Variants in STAU1 observed in about 807,000 individuals in gnomAD.
STAU1 encodes staufen double-stranded RNA binding protein 1.
In STAU1, 13 loss-of-function variants were observed where a neutral mutation model predicts 62.9. The observed-to-expected ratio is 0.21, with a 90% CI of 0.13 to 0.33. The LOEUF (loss-of-function observed/expected upper bound fraction) is 0.33. Among genes scored for constraint, STAU1 ranks in the 10% least tolerant of loss-of-function variants. The pLI is 1.00. For missense variants in STAU1, 571 were observed against 712.1 expected, an observed-to-expected ratio of 0.80 and a Z score of 2.25; for synonymous variants, 269 against 265.1, an observed-to-expected ratio of 1.01 and a Z score of -0.14.
chr20:49,171,638 A>G (rs2093598464), intron 2 of STAU1, among the ~76,000 whole-genome samples: 1 of 152,128 alleles, frequency 6.6e-6, no homozygotes, highest in Admixed American at 6.6e-5. Flanking sequence ...TTGCTGCAAT[A>G]TGGTTGAATG....
intron 9 of STAU1, among the ~76,000 whole-genome samples, chr20:49,119,379 T>G (rs764873630): frequency 2.0e-5 from 3 of 152,150 alleles, no homozygotes; most frequent in Non-Finnish European, 4.4e-5. Flanking sequence ...GGTTTCATCA[T>G]GTTGCTCAGA....
chr20:49,159,006 G>T, intron 3 of STAU1: 5 of 1,292,684 alleles, frequency 3.9e-6, no homozygotes, highest in Non-Finnish European at 5.1e-6. Context: ...AGTCCATCAG[G>T]CTACTCATTT....
At chr20:49,161,011 T>C (rs2093439813) in intron 3 of STAU1, among the ~76,000 whole-genome samples, 1 of 151,950 alleles carries the variant, frequency 6.6e-6, no homozygotes, top group African/African-American at 2.4e-5. Flanking sequence ...AACCATACAC[T>C]ATTTGGAGTT....
the STAU1 span, among the ~76,000 whole-genome samples, chr20:49,209,386 C>T: frequency 5.3e-5 from 8 of 150,638 alleles, no homozygotes; most frequent in Non-Finnish European, 1.2e-4. Flanking sequence ...ATGAGTCCCA[C>T]CACCTGATCA....
At position 49,117,803 on chromosome 20, in the gene STAU1, A is replaced by G. The variant is rs2092363132; in HGVS notation, c.1483T>C (p.Tyr495His). 6.2e-7 allele frequency: 1 copy of G among 1,613,164 alleles called. No homozygotes were observed. The highest frequency in any genetic ancestry group is 2.2e-5 in the East Asian group (1 of 44,876). Residue 495 changes from tyrosine to histidine, a missense_variant, in exon 11 of 14, where the codon TAT becomes CAT. Physicochemically the swap from Tyr to His is moderately conservative, Grantham distance 83 (BLOSUM62 2). Transcript: ENST00000371856. This position sits in a 1 kb window ranked among gnomAD's most constrained non-coding sequence, Gnocchi z 4.6. ...PLTRPSEQLD[Y>H]LSRVQGFQVE... is the part of the protein sequence containing the mutation. ...TGGAATCCCTGGACTCTGGAAAGAT[A>G]GTCCAGTTGCTCAGAGGGTCTCGTG...
the STAU1 span, among the ~76,000 whole-genome samples, chr20:49,208,147 C>T: frequency 3.9e-5 from 6 of 152,166 alleles, no homozygotes; most frequent in African/African-American, 1.2e-4. Flanking sequence ...GCAACCTCAG[C>T]TTCCTGGGTT....
chr20:49,158,836 A>C (rs757622627), intron 3 of STAU1: 21 of 813,996 alleles, frequency 2.6e-5, no homozygotes, highest in Non-Finnish European at 3.4e-5. Flanking sequence ...GCGGTGGCTC[A>C]TGCCTGTAAT....
At chr20:49,135,102 G>A (rs1016758318) in intron 6 of STAU1, 230 of 915,696 alleles carry the variant, frequency 2.5e-4, no homozygotes, top group Non-Finnish European at 3.8e-4. Flanking sequence ...TATTCGTAAC[G>A]TTTTATATAG....
intron 3 of STAU1, among the ~76,000 whole-genome samples, chr20:49,155,471 A>C (rs1397646033): frequency 6.6e-6 from 1 of 152,206 alleles, no homozygotes. Context: ...GATTAGTGTC[A>C]GTGCACAATA....
At chr20:49,118,733 G>A (rs1014569821) in intron 9 of STAU1, among the ~76,000 whole-genome samples, 2 of 152,232 alleles carry the variant, frequency 1.3e-5, no homozygotes, top group African/African-American at 4.8e-5. Flanking sequence ...CTAGACGGTA[G>A]AGCCCACCAA....
chr20:49,134,511 C>G lies in STAU1; in HGVS notation c.609+1322G>C, dbSNP rs1184641627. The G allele has an allele frequency of 5.0e-6, 6 of 1,208,306 alleles. No homozygotes were observed. In the African/African-American group the frequency reaches 9.0e-5, roughly 18 times the overall value. The allele number at this position is 1,208,306 out of a possible 1,614,324, so 74.8% of individuals were successfully genotyped here. On this transcript the variant is annotated intron_variant, in intron 6 of 13. Transcript: ENST00000371856. Reference sequence around the variant, plus strand: ...GCTCATTACTCTTCTCTCATGGATCCTGACACCAAACTCATCGGAAACATA... The same window carrying G: ...GCTCATTACTCTTCTCTCATGGATCGTGACACCAAACTCATCGGAAACATA...
intron 1 of STAU1, among the ~76,000 whole-genome samples, chr20:49,179,492 T>C (rs1006107148): frequency 2.0e-5 from 3 of 152,214 alleles, no homozygotes; most frequent in East Asian, 1.9e-4. Context: ...TAAAGGGTCA[T>C]GGAGCTTTCA....
At chr20:49,208,705 T>C in the STAU1 span, among the ~76,000 whole-genome samples, 1 of 151,430 alleles carries the variant, frequency 6.6e-6, no homozygotes, top group African/African-American at 2.4e-5. Flanking sequence ...CTGCAAGCTC[T>C]GCCTCCTGGG....
intron 5 of STAU1, among the ~76,000 whole-genome samples, chr20:49,136,294 C>T (rs1212079168): frequency 2.6e-5 from 4 of 152,128 alleles, no homozygotes; most frequent in Non-Finnish European, 4.4e-5. Flanking sequence ...CACAGCGAGA[C>T]GCTGTCCCCC....
chr20:49,187,034 C>T (rs1236846210), intron 1 of STAU1, among the ~76,000 whole-genome samples: 1 of 152,082 alleles, frequency 6.6e-6, no homozygotes, highest in Non-Finnish European at 1.5e-5. Flanking sequence ...AGCAAAGCTT[C>T]CGTGAAAAAA....
chr20:49,153,784 G>A (rs1293086116), intron 4 of STAU1, 149 bp downstream of exon 4: 8 of 614,472 alleles, frequency 1.3e-5, no homozygotes, highest in Non-Finnish European at 2.0e-5. Flanking sequence ...GGGGCACAAA[G>A]GCACAAGAGT....
intron 1 of STAU1, among the ~76,000 whole-genome samples, chr20:49,181,525 G>C (rs764028446): frequency 6.6e-6 from 1 of 152,072 alleles, no homozygotes; most frequent in Non-Finnish European, 1.5e-5. Context: ...ATCACTTTGC[G>C]AGGCTAAGGC....
At chr20:49,187,893 G>A (rs1454423885) in intron 1 of STAU1, among the ~76,000 whole-genome samples, 1 of 151,986 alleles carries the variant, frequency 6.6e-6, no homozygotes, top group Admixed American at 6.5e-5. Context: ...GAGGGCTGGA[G>A]GGGATGGGGG....
At chr20:49,179,205 C>T (rs1380852781) in intron 1 of STAU1, 2 of 151,146 alleles carry the variant, frequency 1.3e-5, no homozygotes, top group African/African-American at 4.9e-5. Context: ...CGAGATCACG[C>T]CACTGCACTC....
Sources: allele counts gnomAD v4.1 joint callset (sites outside exome capture counted in the v4.1 genomes callset), GRCh38; gene constraint gnomAD v4.1.1; non-coding constraint Gnocchi (gnomAD v3.1); transcripts MANE v1.5; gene names NCBI Gene and HGNC (gene_info 2026-07-23, HGNC 2026-07-21).